Variants in FAT1 observed in about 807,000 individuals in gnomAD.
FAT1 encodes the protein protocadherin Fat 1.
Under a neutral mutation model 329.8 loss-of-function variants are expected in FAT1, and 171 were observed. The ratio of observed to expected loss-of-function variants is 0.52; its 90% CI spans 0.46 to 0.59. FAT1 has a LOEUF of 0.59. Among genes scored for constraint, FAT1 ranks in the 20% least tolerant of loss-of-function variants. The pLI, the probability that FAT1 is intolerant of heterozygous loss-of-function variation, is 0.00. For missense variants in FAT1, 5,672 were observed against 5,774.4 expected (o/e 0.98, Z 0.57); for synonymous variants, 2,233 against 2,228.6 (o/e 1.00, Z -0.06).
chr4:186,724,842 G>T (rs1745662205), upstream of FAT1, among the ~76,000 whole-genome samples: 1 of 152,246 alleles, frequency 6.6e-6, no homozygotes. The surrounding 1 kb of genome is among the most constrained non-coding windows in gnomAD (Gnocchi z 5.3). Flanking sequence ...TTAACACTGG[G>T]AAGACAAAGA....
intron 1 of FAT1, among the ~76,000 whole-genome samples, chr4:186,721,422 A>C (rs1745465116): frequency 6.6e-6 from 1 of 152,254 alleles, no homozygotes; most frequent in Non-Finnish European, 1.5e-5. Flanking sequence ...GCACTTGCAA[A>C]CTGAACAATT....
chr4:186,662,167 T>TCTC (rs147400640), intron 3 of FAT1, among the ~76,000 whole-genome samples: 53 of 152,296 alleles, frequency 3.5e-4, no homozygotes, highest in African/African-American at 1.3e-3. Flanking sequence ...TCTAGATTTC[T>TCTC]CTCTCTGGAG....
chr4:186,610,849 G>T (rs966783514), intron 14 of FAT1, among the ~76,000 whole-genome samples: 1 of 151,394 alleles, frequency 6.6e-6, no homozygotes, highest in African/African-American at 2.4e-5. Context: ...CACGCAGCAG[G>T]AGTCAGCAGT....
In FAT1 at chr4:186,620,395, T is replaced by A; in HGVS notation, c.6191A>T (p.His2064Leu). ...TEEHKPSAVAHVVVKVIVEDQ... is the reference protein window; with the variant it reads ...TEEHKPSAVALVVVKVIVEDQ... Reference sequence around the variant, plus strand: ...TTCTACAATGACCTTCACGACAACGTGGGCCACTGCAGAAGGCTTATGTTC... The same window carrying A: ...TTCTACAATGACCTTCACGACAACGAGGGCCACTGCAGAAGGCTTATGTTC... Residue 2064 changes from histidine to leucine, a missense_variant, in exon 10 of 27, where the codon CAC (histidine) becomes CTC (leucine). Coordinates refer to ENST00000441802, the MANE Select transcript of FAT1 (RefSeq NM_005245.4). 3 of 1,614,012 alleles carry A rather than the reference T, an allele frequency of 1.9e-6. No homozygotes were observed. Among genetic ancestry groups the A allele is most frequent in the Non-Finnish European group, 2.5e-6 (3 of 1,179,888 alleles).
At chr4:186,631,727 C>T (rs1196930278) in intron 7 of FAT1, among the ~76,000 whole-genome samples, 1 of 151,910 alleles carries the variant, frequency 6.6e-6, no homozygotes, top group African/African-American at 2.4e-5. Flanking sequence ...TCTCACTGCC[C>T]AGGTGACTCC....
intron 26 of FAT1, among the ~76,000 whole-genome samples, chr4:186,593,137 C>T (rs1022363966): frequency 5.9e-5 from 9 of 152,018 alleles, no homozygotes; most frequent in East Asian, 5.8e-4. Flanking sequence ...GCCACTCTTC[C>T]GGCTGCTTAA....
chr4:186,601,536 A>C, intron 20 of FAT1, 110 bp from the exon 21 acceptor site: 1 of 821,172 alleles, frequency 1.2e-6, no homozygotes, highest in Admixed American at 2.6e-5. Flanking sequence ...ATTTAAGATG[A>C]TAACATTTTA....
intron 3 of FAT1, among the ~76,000 whole-genome samples, chr4:186,641,646 A>C (rs1741102237): frequency 6.6e-6 from 1 of 152,160 alleles, no homozygotes; most frequent in South Asian, 2.1e-4. Context: ...ACAACTCCCC[A>C]CTTCACGATT....
chr4:186,672,777 C>T (rs1053909908), intron 2 of FAT1, among the ~76,000 whole-genome samples: 2 of 152,180 alleles, frequency 1.3e-5, no homozygotes, highest in Non-Finnish European at 2.9e-5. Flanking sequence ...TCCAGACAAT[C>T]GTGCTAAATG....
At chr4:186,682,883 G>T (rs78354811) in intron 2 of FAT1, among the ~76,000 whole-genome samples, 2 of 152,174 alleles carry the variant, frequency 1.3e-5, no homozygotes, top group African/African-American at 4.8e-5. Flanking sequence ...GGGACTCCAG[G>T]ACAGCAGGAC....
chr4:186,636,025 C>A lies in FAT1; in HGVS notation c.4183G>T (p.Gly1395Cys), dbSNP rs1348717421. The A allele has an allele frequency of 6.2e-7, 1 of 1,613,650 alleles. No homozygotes were observed. The highest frequency in any genetic ancestry group is 1.3e-5 in the African/African-American group (1 of 74,902). ...PGIPLWFDIT[G>C]GNYDSHFDVD... Reference sequence around the variant, plus strand: ...AACGAAAATGAGGGGGAATGCTTACCAGTGATGTCAAACCAAAGGGGTATG... The same window carrying A: ...AACGAAAATGAGGGGGAATGCTTACAAGTGATGTCAAACCAAAGGGGTATG... The change falls in exon 6 of 27, where the codon GGT (glycine) becomes TGT (cysteine). Residue 1395 changes from glycine (G) to cysteine (C), a missense_variant and splice_region_variant. This residue lies in a region of FAT1 where 3,966 missense variants were observed against 3,915.2 expected (regional missense o/e 1.01). Coordinates refer to ENST00000441802, the MANE Select transcript of FAT1 (RefSeq NM_005245.4).
At chr4:186,698,641 G>C (rs1408341740) in intron 2 of FAT1, among the ~76,000 whole-genome samples, 1 of 152,348 alleles carries the variant, frequency 6.6e-6, no homozygotes, top group East Asian at 1.9e-4. Context: ...AGGCACAGAG[G>C]GGTAGAGGGC....
chr4:186,610,726 A>AAATATAAATTATATAATTTATATG (rs1560932029), intron 14 of FAT1, among the ~76,000 whole-genome samples: 2 of 116,640 alleles, frequency 1.7e-5, no homozygotes, highest in East Asian at 2.3e-4. Flanking sequence ...TAATTTATAT[A>AAATATAAATTATATAATTTATATG]AATATAAATT....
intron 3 of FAT1, among the ~76,000 whole-genome samples, chr4:186,659,580 G>GCTGGGCGCTCCTGCACTCTACACA (rs2126609606): frequency 6.9e-6 from 1 of 144,286 alleles, no homozygotes; most frequent in South Asian, 2.3e-4. Flanking sequence ...CCTGAACGAC[G>GCTGGGCGCTCCTGCACTCTACACA]CTGGGCGCTC....
At chr4:186,648,577 T>C (rs973654388) in intron 3 of FAT1, among the ~76,000 whole-genome samples, 1 of 152,180 alleles carries the variant, frequency 6.6e-6, no homozygotes, top group Non-Finnish European at 1.5e-5. Flanking sequence ...TCTTTCACGA[T>C]GCTCTAGCCC....
At chr4:186,660,620 C>A (rs1018080906) in intron 3 of FAT1, among the ~76,000 whole-genome samples, 2 of 152,190 alleles carry the variant, frequency 1.3e-5, no homozygotes, top group Non-Finnish European at 1.5e-5. Context: ...GTGCTCCCGC[C>A]GGGGCTGGGG....
chr4:186,720,210 TTTTC>T (rs1291838767), intron 1 of FAT1, among the ~76,000 whole-genome samples: 2 of 152,350 alleles, frequency 1.3e-5, no homozygotes, highest in East Asian at 3.9e-4. Context: ...AACATTACTA[TTTTC>T]TTTGTTTCCT....
At chr4:186,605,588 G>GAA (rs1739088989) in intron 17 of FAT1, among the ~76,000 whole-genome samples, 1 of 118,040 alleles carries the variant, frequency 8.5e-6, no homozygotes, top group Non-Finnish European at 1.8e-5. Context: ...AGGAATGGGA[G>GAA]GGAGGAGTGG....
intron 22 of FAT1, 107 bp from the exon 23 acceptor site, chr4:186,598,232 G>A (rs368487784): frequency 3.0e-5 from 34 of 1,120,538 alleles, no homozygotes; most frequent in Non-Finnish European, 4.0e-5. Flanking sequence ...GTAAAAGCTC[G>A]TAAAATTCTC....
Sources: gnomAD v4.1 joint callset for allele counts (sites outside exome capture counted in the v4.1 genomes callset) on GRCh38, gnomAD v4.1.1 for gene constraint, gnomAD v4.1.1 regional missense constraint, Gnocchi (gnomAD v3.1) non-coding constraint, MANE v1.5 for transcripts, NCBI Gene and HGNC (gene_info 2026-07-23, HGNC 2026-07-21) for gene names.